The following PCDHA5 variants were observed in gnomAD, a reference collection of about 807,000 sequenced individuals.
PCDHA5 encodes the protein protocadherin alpha 5, also known as protocadherin alpha-5.
In PCDHA5, 43 loss-of-function variants were observed where a neutral mutation model predicts 61.6. The observed-to-expected ratio is 0.70, with a 90% CI of 0.55 to 0.90. PCDHA5 has a LOEUF of 0.90. Ranked by LOEUF, PCDHA5 falls within the 40% of genes least tolerant of loss-of-function variation. The pLI, the probability that PCDHA5 is intolerant of heterozygous loss-of-function variation, is 0.00. For missense variants in PCDHA5, 1,298 were observed against 1,222.7 expected (o/e 1.06, Z -0.92); for synonymous variants, 627 against 543.9 (o/e 1.15, Z -2.13).
intron 1 of PCDHA5, chr5:140,848,130 C>T (rs1423427149): frequency 5.3e-6 from 1 of 190,174 alleles, no homozygotes. Flanking sequence ...CAAGGTCATA[C>T]AAAACTTTTA....
intron 1 of PCDHA5, among the ~76,000 whole-genome samples, chr5:140,965,278 C>T (rs1554227554): frequency 6.6e-6 from 1 of 152,176 alleles, no homozygotes; most frequent in African/African-American, 2.4e-5. Flanking sequence ...AATGACACAG[C>T]ATGGAAAGAT....
intron 1 of PCDHA5, among the ~76,000 whole-genome samples, chr5:140,874,881 CCTAA>C (rs1562692558): frequency 6.6e-6 from 1 of 152,102 alleles, no homozygotes; most frequent in African/African-American, 2.4e-5. Context: ...AATACAAATT[CCTAA>C]CTTTCTCTAA....
intron 1 of PCDHA5, chr5:140,851,169 T>C: frequency 1.6e-6 from 2 of 1,280,288 alleles, no homozygotes; most frequent in Non-Finnish European, 2.0e-6. Flanking sequence ...TATGCTGCCA[T>C]AACACTTGAA....
At chr5:140,968,288 C>T (rs782056996) in intron 1 of PCDHA5, 16 of 1,613,976 alleles carry the variant, frequency 9.9e-6, no homozygotes, top group Middle Eastern at 1.6e-4. Context: ...GACCTACTCC[C>T]TTCTGGAGAG....
At position 140,823,291 on chromosome 5, in the gene PCDHA5, T is replaced by G. The variant is rs1767641438; in HGVS notation, c.1516T>G (p.Tyr506Asp). ...GGTGGGCGAGCGCCCGCTGTCGAGTTACGTTTCGGTGCACGCGGAGAGCGG... is the reference window on the plus strand; with the variant it reads ...GGTGGGCGAGCGCCCGCTGTCGAGTGACGTTTCGGTGCACGCGGAGAGCGG... ...RRVGERPLSS[Y>D]VSVHAESGKV... is the part of the protein sequence containing the mutation. Residue 506 changes from tyrosine to aspartate, a missense_variant, in exon 1 of 4, where the codon TAC (tyrosine) becomes GAC (aspartate). Coordinates refer to ENST00000529859, the MANE Select transcript of PCDHA5 (RefSeq NM_018908.3). 1 of 1,612,324 alleles carries G rather than the reference T, an allele frequency of 6.2e-7. No homozygotes were observed. The highest frequency in any genetic ancestry group is 1.3e-5 in the African/African-American group (1 of 74,896).
chr5:140,844,637 A>T (rs2150372920), intron 1 of PCDHA5, among the ~76,000 whole-genome samples: 34 of 149,574 alleles, frequency 2.3e-4, no homozygotes, highest in African/African-American at 8.3e-4. Context: ...ACTATACATG[A>T]TAATTTCATT....
At chr5:140,922,386 T>G (rs1554200798) in intron 1 of PCDHA5, among the ~76,000 whole-genome samples, 1 of 152,194 alleles carries the variant, frequency 6.6e-6, no homozygotes, top group African/African-American at 2.4e-5. Context: ...AACCAAAGAC[T>G]CCTTGTTTTG....
At chr5:140,886,921 C>T (rs778306326) in intron 1 of PCDHA5, among the ~76,000 whole-genome samples, 2 of 151,406 alleles carry the variant, frequency 1.3e-5, no homozygotes, top group African/African-American at 4.9e-5. Context: ...TGAGTGTTCT[C>T]TATGTGCCAG....
chr5:140,855,791 A>T, intron 1 of PCDHA5: 1 of 446,278 alleles, frequency 2.2e-6, no homozygotes, highest in Non-Finnish European at 4.0e-6. Flanking sequence ...AAAAAGAATT[A>T]ACATATGAAT....
At chr5:140,975,938 T>C (rs2096690603) in intron 1 of PCDHA5, among the ~76,000 whole-genome samples, 1 of 152,160 alleles carries the variant, frequency 6.6e-6, no homozygotes, top group Admixed American at 6.5e-5. Context: ...TTTGAAGCAA[T>C]AGGACATATT....
intron 3 of PCDHA5, among the ~76,000 whole-genome samples, chr5:140,995,275 A>G (rs1383239362): frequency 6.6e-6 from 1 of 152,146 alleles, no homozygotes; most frequent in African/African-American, 2.4e-5. Context: ...GCCCTTTGAT[A>G]CCAAAACAGC....
intron 1 of PCDHA5, chr5:140,871,144 A>T (rs1554165205): frequency 6.2e-7 from 1 of 1,613,222 alleles, no homozygotes; most frequent in African/African-American, 1.3e-5. Context: ...CTCTTCCCGG[A>T]CTTTGGCGGG....
At chr5:140,858,437 G>C (rs1343643925) in intron 1 of PCDHA5, 1 of 1,541,950 alleles carries the variant, frequency 6.5e-7, no homozygotes, top group South Asian at 1.2e-5. Context: ...CTCTAGGAAG[G>C]TGGGTTATTA....
At chr5:140,871,564 C>T (rs782409405) in intron 1 of PCDHA5, 16 of 1,482,712 alleles carry the variant, frequency 1.1e-5, no homozygotes, top group East Asian at 2.5e-5. Flanking sequence ...TTTTTTTTCA[C>T]GGATTTTTTA....
intron 1 of PCDHA5, among the ~76,000 whole-genome samples, chr5:140,961,914 C>T (rs192184): frequency 0.56 from 84,843 of 150,390 alleles, 24,472 homozygotes; most frequent in African/African-American, 0.69. Context: ...GATGGAGTCT[C>T]GCTCTGTTGC....
In PCDHA5 at chr5:141,007,395, CAAAAAAAAA is replaced by C. The variant is rs35800918; in HGVS notation, c.2501-2217_2501-2209del. 1.6e-4 allele frequency among the ~76,000 whole-genome samples: 15 copies of C among 94,844 alleles called. No individual in the cohort carries two copies. The East Asian group carries it at 2.4e-3, about 15-fold the overall frequency. The allele number at this position is 94,844 out of a possible 152,430, so 62.2% of individuals were successfully genotyped here. A position where few individuals can be genotyped will look rare whatever the true frequency, so the allele number is the denominator to read the frequency against. On this transcript the variant is annotated intron_variant, in intron 3 of 3. Transcript: ENST00000529859. The stretch of plus-strand genomic sequence containing the variant: ...ATGGAACACCATCTCTACTAAAATA[CAAAAAAAAA>C]AAAAAAAAAAAAAATTAGCCAGGCA...
chr5:140,955,889 G>A (rs246016), intron 1 of PCDHA5, among the ~76,000 whole-genome samples: 85,633 of 151,918 alleles, frequency 0.56, 24,754 homozygotes, highest in African/African-American at 0.69. Flanking sequence ...ATTCCTAGGT[G>A]TTTTATTCTC....
chr5:140,877,592 T>G, intron 1 of PCDHA5: 1 of 1,613,812 alleles, frequency 6.2e-7, no homozygotes, highest in South Asian at 1.1e-5. Flanking sequence ...ATCTGTGCGG[T>G]GTCCAGCCTG....
chr5:140,852,390 G>A (rs1418398381), intron 1 of PCDHA5: 1 of 186,076 alleles, frequency 5.4e-6, no homozygotes, highest in African/African-American at 2.4e-5. Context: ...CAATTCTCCT[G>A]CCTCAGCCTC....
Sources: gnomAD v4.1 joint callset for allele counts (sites outside exome capture counted in the v4.1 genomes callset) on GRCh38, gnomAD v4.1.1 for gene constraint, MANE v1.5 for transcripts, NCBI Gene and HGNC (gene_info 2026-07-23, HGNC 2026-07-21) for gene names.